The following HPF1 variants were observed in gnomAD, a reference collection of about 807,000 sequenced individuals.
The protein encoded by HPF1 is histone PARylation factor 1.
Under a neutral mutation model 38.8 loss-of-function variants are expected in HPF1, and 35 were observed. That is an observed-to-expected ratio of 0.90 (90% CI 0.69 to 1.19). The LOEUF (loss-of-function observed/expected upper bound fraction) is 1.19. HPF1 is among the 50% of genes most tolerant of loss of function. The pLI is 0.00. For synonymous variants in HPF1, 115 were observed against 139.2 expected (o/e 0.83, Z 1.22); for missense variants, 367 against 405.8 (o/e 0.90, Z 0.82).
intron 4 of HPF1, among the ~76,000 whole-genome samples, chr4:169,745,257 G>A (rs533445003): frequency 2.0e-5 from 3 of 152,318 alleles, no homozygotes; most frequent in East Asian, 3.9e-4. Context: ...CCCTGGGGCA[G>A]CTCCCTTTCC....
chr4:169,745,327 G>A (rs1056182174), intron 4 of HPF1, among the ~76,000 whole-genome samples: 1 of 152,204 alleles, frequency 6.6e-6, no homozygotes, highest in African/African-American at 2.4e-5. Flanking sequence ...AGGTCATCAG[G>A]GAAGGGAAAA....
intron 4 of HPF1, among the ~76,000 whole-genome samples, chr4:169,746,113 C>A (rs1375650626): frequency 3.3e-5 from 5 of 152,162 alleles, no homozygotes. Context: ...GAAATGGAAT[C>A]ATTCTACACT....
intron 7 of HPF1, 63 bp downstream of exon 7, chr4:169,731,637 GATGT>G: frequency 8.2e-7 from 1 of 1,216,982 alleles, no homozygotes; most frequent in Non-Finnish European, 1.1e-6. Context: ...TTCATGTGTG[GATGT>G]ATGTCGCGGG....
chr4:169,749,446 G>A (rs574813323), intron 3 of HPF1, among the ~76,000 whole-genome samples: 1 of 152,154 alleles, frequency 6.6e-6, no homozygotes, highest in Non-Finnish European at 1.5e-5. Context: ...TGTAGTGGTA[G>A]GAATACTGCA....
intron 2 of HPF1, 119 bp downstream of exon 2, chr4:169,753,557 T>C (rs1377432802): frequency 2.4e-6 from 2 of 838,516 alleles, no homozygotes; most frequent in African/African-American, 3.5e-5. Flanking sequence ...CTCAAACTCC[T>C]GGCCTCAGGC....
chr4:169,753,923 T>G, intron 1 of HPF1, 88 bp from the exon 2 acceptor site: 2 of 1,001,280 alleles, frequency 2.0e-6, no homozygotes, highest in Non-Finnish European at 3.0e-6. Flanking sequence ...CACCCAACTC[T>G]ATGAAATACA....
intron 4 of HPF1, among the ~76,000 whole-genome samples, chr4:169,743,780 A>G (rs893548055): frequency 1.3e-5 from 2 of 152,054 alleles, no homozygotes; most frequent in African/African-American, 4.8e-5. Context: ...ACTTCTATTC[A>G]CTGCCAACAT....
At chr4:169,744,721 T>C (rs1734024041) in intron 4 of HPF1, among the ~76,000 whole-genome samples, 2 of 152,204 alleles carry the variant, frequency 1.3e-5, no homozygotes, top group Admixed American at 6.5e-5. Context: ...CTGAATTTTA[T>C]CACTGACAAA....
rs761981250 is a variant in HPF1, at chr4:169,741,952, C to T, written c.648+5G>A. 6.2e-6 allele frequency: 10 copies of T among 1,609,896 alleles called. No homozygotes were observed. The highest frequency in any genetic ancestry group is 8.5e-6 in the Non-Finnish European group (10 of 1,178,486). On this transcript the variant is annotated splice_donor_5th_base_variant and intron_variant, in intron 5 of 7. Transcript: ENST00000393381. ...AAAACAGAGACCAACAGGTTGAAAT[C>T]ATACTTTCTTATCTCTCTGTTTCAT...
intron 5 of HPF1, among the ~76,000 whole-genome samples, chr4:169,739,524 T>C (rs1733939357): frequency 6.6e-6 from 1 of 151,684 alleles, no homozygotes; most frequent in Non-Finnish European, 1.5e-5. Context: ...CCTACCAGCA[T>C]GGAAAAAACT....
intron 4 of HPF1, among the ~76,000 whole-genome samples, chr4:169,748,395 G>A (rs1375895625): frequency 1.3e-5 from 2 of 151,142 alleles, no homozygotes; most frequent in African/African-American, 2.4e-5. Context: ...TTTGGAGATA[G>A]AGTCTCACTC....
At chr4:169,736,186 A>G (rs1259323847) in intron 6 of HPF1, among the ~76,000 whole-genome samples, 2 of 151,644 alleles carry the variant, frequency 1.3e-5, no homozygotes, top group East Asian at 1.9e-4. Context: ...CGAGACCAGC[A>G]TCGGCAACAG....
At chr4:169,748,371 G>A (rs566237318) in intron 4 of HPF1, among the ~76,000 whole-genome samples, 9 of 151,622 alleles carry the variant, frequency 5.9e-5, no homozygotes, top group South Asian at 2.1e-4. Context: ...TCTCAAATCC[G>A]CTTTGTTTTT....
At chr4:169,748,593 G>A (rs559304554) in intron 4 of HPF1, 151 bp downstream of exon 4, 127 of 433,418 alleles carry the variant, frequency 2.9e-4, no homozygotes, top group Non-Finnish European at 3.3e-4. Flanking sequence ...GGCTGGTCTC[G>A]AACCCCTGAC....
chr4:169,742,143 GC>G, intron 4 of HPF1, 36 bp from the exon 5 acceptor site: 1 of 1,591,996 alleles, frequency 6.3e-7, no homozygotes, highest in South Asian at 1.1e-5. Flanking sequence ...TATGTGGCAG[GC>G]CACTGTACTA....
chr4:169,739,552 C>A (rs1455642100), intron 5 of HPF1, among the ~76,000 whole-genome samples: 2 of 151,878 alleles, frequency 1.3e-5, no homozygotes, highest in East Asian at 1.9e-4. Flanking sequence ...CTAAAGAAAA[C>A]CCCCCAAAAT....
intron 4 of HPF1, among the ~76,000 whole-genome samples, chr4:169,747,877 C>T (rs554688060): frequency 1.3e-5 from 2 of 152,316 alleles, no homozygotes; most frequent in East Asian, 3.9e-4. Flanking sequence ...GATCCCAGCA[C>T]CTGGTTCTTA....
chr4:169,733,701 G>A (rs1487752701), intron 6 of HPF1, among the ~76,000 whole-genome samples: 2 of 152,020 alleles, frequency 1.3e-5, no homozygotes, highest in Admixed American at 6.6e-5. Flanking sequence ...TTGGAGACCA[G>A]CCTGGGCAAT....
intron 1 of HPF1, among the ~76,000 whole-genome samples, chr4:169,756,428 T>C (rs1734189150): frequency 1.3e-5 from 2 of 152,224 alleles, no homozygotes; most frequent in African/African-American, 4.8e-5. Context: ...CATAACTGTC[T>C]TTGTTCAGAC....
Sources: gnomAD v4.1 joint callset for allele counts (sites outside exome capture counted in the v4.1 genomes callset) on GRCh38, gnomAD v4.1.1 for gene constraint, MANE v1.5 for transcripts, NCBI Gene and HGNC (gene_info 2026-07-23, HGNC 2026-07-21) for gene names.